The following SLC35D4 variants were observed in gnomAD, a reference collection of about 807,000 sequenced individuals.
SLC35D4 encodes UDP-N-acetylglucosamine transporter SLC35D4.
the SLC35D4 span, among the ~76,000 whole-genome samples, chr18:23,268,481 G>A: frequency 6.6e-6 from 1 of 152,094 alleles, no homozygotes. Context: ...AATCTCTGAG[G>A]GTGGGGTCTA....
chr18:23,309,724 T>G, the SLC35D4 span: 5 of 1,614,092 alleles, frequency 3.1e-6, no homozygotes, highest in Admixed American at 8.3e-5. Context: ...ACAGCAATAT[T>G]GATAAGCCAG....
chr18:23,323,602 C>A, the SLC35D4 span, among the ~76,000 whole-genome samples: 1 of 152,172 alleles, frequency 6.6e-6, no homozygotes, highest in Non-Finnish European at 1.5e-5. Flanking sequence ...TTTACATAAA[C>A]CATGAAGACC....
chr18:23,349,371 G>A, the SLC35D4 span, among the ~76,000 whole-genome samples: 1 of 152,186 alleles, frequency 6.6e-6, no homozygotes, highest in Non-Finnish European at 1.5e-5. Context: ...GGGGGCTCAC[G>A]CCTGTAACCC....
the SLC35D4 span, among the ~76,000 whole-genome samples, chr18:23,319,002 C>T: frequency 3.3e-5 from 5 of 151,438 alleles, no homozygotes; most frequent in Non-Finnish European, 5.9e-5. Flanking sequence ...TGCCACCATG[C>T]CTGGCTAATT....
the SLC35D4 span, among the ~76,000 whole-genome samples, chr18:23,246,556 T>C: frequency 7.9e-5 from 12 of 152,054 alleles, no homozygotes; most frequent in Admixed American, 1.3e-4. Flanking sequence ...CACACCCGGC[T>C]AATTTTTTGT....
the SLC35D4 span, among the ~76,000 whole-genome samples, chr18:23,244,988 T>G: frequency 6.6e-6 from 1 of 152,236 alleles, no homozygotes; most frequent in South Asian, 2.1e-4. Context: ...TTTCTGTTGT[T>G]TCTGTTGGAA....
chr18:23,319,967 G>T, the SLC35D4 span, among the ~76,000 whole-genome samples: 1 of 152,128 alleles, frequency 6.6e-6, no homozygotes, highest in Non-Finnish European at 1.5e-5. Context: ...GTTTGAGTAG[G>T]ATATACCTAA....
the SLC35D4 span, among the ~76,000 whole-genome samples, chr18:23,414,463 A>G: frequency 6.6e-6 from 1 of 150,880 alleles, no homozygotes; most frequent in African/African-American, 2.4e-5. Flanking sequence ...ACCTGAGGTC[A>G]GGAGTTCAAG....
At chr18:23,434,049 G>C in the SLC35D4 span, among the ~76,000 whole-genome samples, 1 of 152,112 alleles carries the variant, frequency 6.6e-6, no homozygotes, top group African/African-American at 2.4e-5. Flanking sequence ...CCTCTACTTA[G>C]TCCAAGCCGA....
the SLC35D4 span, among the ~76,000 whole-genome samples, chr18:23,262,998 C>T: frequency 1.3e-5 from 2 of 152,100 alleles, no homozygotes; most frequent in Non-Finnish European, 1.5e-5. Flanking sequence ...TAGGAGGACT[C>T]GATATTCACC....
chr18:23,293,898 C>T, the SLC35D4 span, among the ~76,000 whole-genome samples: 1 of 152,160 alleles, frequency 6.6e-6, no homozygotes, highest in Non-Finnish European at 1.5e-5. Context: ...CTCAAGCAAT[C>T]CTTCTGCCTC....
the SLC35D4 span, among the ~76,000 whole-genome samples, chr18:23,249,507 C>G: frequency 2.6e-5 from 4 of 152,346 alleles, no homozygotes; most frequent in Middle Eastern, 3.4e-3. Flanking sequence ...GCCCCACCCT[C>G]AGAGACTGTG....
At chr18:23,364,767 G>A in the SLC35D4 span, among the ~76,000 whole-genome samples, 1 of 151,926 alleles carries the variant, frequency 6.6e-6, no homozygotes, top group East Asian at 1.9e-4. Context: ...AGCCAGGCAT[G>A]GTCTCATACG....
the SLC35D4 span, among the ~76,000 whole-genome samples, chr18:23,282,111 AG>A: frequency 6.6e-6 from 1 of 152,220 alleles, no homozygotes; most frequent in African/African-American, 2.4e-5. Flanking sequence ...TGAAATCCCA[AG>A]GGCCTCCGCG....
the SLC35D4 span, among the ~76,000 whole-genome samples, chr18:23,281,050 C>T: frequency 1.4e-4 from 21 of 151,908 alleles, no homozygotes; most frequent in African/African-American, 4.8e-4. Context: ...TGCACAATCC[C>T]GTGCATATGA....
At chr18:23,313,126 C>CAAAAAA in the SLC35D4 span, among the ~76,000 whole-genome samples, 394 of 29,488 alleles carry the variant, frequency 0.013, 58 homozygotes, top group Middle Eastern at 0.062. Context: ...GACTACATCT[C>CAAAAAA]AAAAAAAAAA....
the SLC35D4 span, among the ~76,000 whole-genome samples, chr18:23,328,991 C>T: frequency 6.6e-6 from 1 of 152,190 alleles, no homozygotes; most frequent in Admixed American, 6.5e-5. Context: ...GCTGGGAAAA[C>T]TGGCTAGCCA....
At chr18:23,394,983 C>CAAA in the SLC35D4 span, among the ~76,000 whole-genome samples, 45 of 54,170 alleles carry the variant, frequency 8.3e-4, no homozygotes, top group African/African-American at 1.1e-3. Flanking sequence ...AACTCCATCT[C>CAAA]AAAAAAAAAA....
At chr18:23,408,693 A>G in the SLC35D4 span, among the ~76,000 whole-genome samples, 1 of 152,232 alleles carries the variant, frequency 6.6e-6, no homozygotes, top group South Asian at 2.1e-4. Flanking sequence ...GTTGTAACCT[A>G]GAACTGTGAC....
Sources: gnomAD v4.1 joint callset for allele counts (sites outside exome capture counted in the v4.1 genomes callset) on GRCh38, gnomAD v4.1.1 for gene constraint, MANE v1.5 for transcripts, NCBI Gene and HGNC (gene_info 2026-07-23, HGNC 2026-07-21) for gene names.